SRBD1: variants seen among roughly 807,000 people sequenced by gnomAD.
SRBD1 encodes S1 RNA binding domain 1.
A neutral mutation model predicts 115.3 loss-of-function variants in SRBD1; 88 were observed. The observed-to-expected ratio is 0.76, with a 90% confidence interval of 0.64 to 0.91. The LOEUF (loss-of-function observed/expected upper bound fraction) is 0.91. Ranked by LOEUF, SRBD1 falls within the 40% of genes least tolerant of loss-of-function variation. The pLI is 0.00. For synonymous variants in SRBD1, 509 were observed against 407.7 expected (o/e 1.25, Z -2.99); for missense variants, 1,385 against 1,177.4 (o/e 1.18, Z -2.58).
At chr2:45,441,955 G>A (rs1237527890) in intron 16 of SRBD1, among the ~76,000 whole-genome samples, 1 of 152,178 alleles carries the variant, frequency 6.6e-6, no homozygotes, top group Non-Finnish European at 1.5e-5. Context: ...GGTCAATAAA[G>A]AGTTCCTGTT....
chr2:45,538,974 G>A (rs1671848437), intron 14 of SRBD1, among the ~76,000 whole-genome samples: 1 of 151,962 alleles, frequency 6.6e-6, no homozygotes, highest in South Asian at 2.1e-4. Flanking sequence ...GTTTCCACAG[G>A]CATAGATATC....
intron 2 of SRBD1, among the ~76,000 whole-genome samples, chr2:45,604,120 T>C (rs1674187806): frequency 6.6e-6 from 1 of 152,108 alleles, no homozygotes; most frequent in Admixed American, 6.5e-5. Context: ...AATCCTATGC[T>C]TCTACAATAA....
intron 7 of SRBD1, among the ~76,000 whole-genome samples, chr2:45,575,490 C>A (rs1673148709): frequency 6.6e-6 from 1 of 152,070 alleles, no homozygotes; most frequent in Non-Finnish European, 1.5e-5. Flanking sequence ...TGCACTAAAC[C>A]TGAATTACAC....
intron 16 of SRBD1, among the ~76,000 whole-genome samples, chr2:45,426,170 G>T (rs1351093745): frequency 6.6e-6 from 1 of 152,114 alleles, no homozygotes; most frequent in Non-Finnish European, 1.5e-5. Context: ...GGGGGGAGAG[G>T]CACCCATCAT....
At chr2:45,585,831 T>C (rs929638541) in intron 4 of SRBD1, 57 bp from the exon 5 acceptor site, 18 of 1,364,152 alleles carry the variant, frequency 1.3e-5, no homozygotes, top group African/African-American at 1.0e-4. Context: ...ATCTATATCA[T>C]GTATAATTTA....
intron 4 of SRBD1, among the ~76,000 whole-genome samples, chr2:45,594,191 C>T (rs544826675): frequency 1.3e-5 from 2 of 152,284 alleles, no homozygotes; most frequent in Non-Finnish European, 2.9e-5. Context: ...ATGTTGACCA[C>T]TTTTTGTCTC....
chr2:45,465,783 A>G (rs947553150), intron 16 of SRBD1, among the ~76,000 whole-genome samples: 2 of 152,110 alleles, frequency 1.3e-5, no homozygotes, highest in Non-Finnish European at 2.9e-5. Context: ...CATTCAAAAC[A>G]CCTGGATCTA....
At chr2:45,603,241 T>C (rs1294309215) in intron 2 of SRBD1, among the ~76,000 whole-genome samples, 1 of 152,174 alleles carries the variant, frequency 6.6e-6, no homozygotes, top group Non-Finnish European at 1.5e-5. Context: ...CAAGCACAGA[T>C]ACCGTTGTGT....
At chr2:45,404,982 C>G (rs902992672) in intron 19 of SRBD1, among the ~76,000 whole-genome samples, 36 of 152,242 alleles carry the variant, frequency 2.4e-4, no homozygotes, top group African/African-American at 8.7e-4. Context: ...TTTCCTCCGT[C>G]AAGACTTTTC....
chr2:45,451,004 T>A (rs1572654864), intron 16 of SRBD1, among the ~76,000 whole-genome samples: 2 of 152,130 alleles, frequency 1.3e-5, no homozygotes, highest in Non-Finnish European at 2.9e-5. Context: ...ACGGGATCTC[T>A]TTTCATTCCT....
At chr2:45,420,480 C>G (rs1409163840) in intron 16 of SRBD1, among the ~76,000 whole-genome samples, 1 of 152,148 alleles carries the variant, frequency 6.6e-6, no homozygotes, top group Admixed American at 6.5e-5. Context: ...AGAAAATAGT[C>G]AATTAAACCA....
At chr2:45,517,268 G>A (rs2103943724) in intron 14 of SRBD1, among the ~76,000 whole-genome samples, 1 of 152,186 alleles carries the variant, frequency 6.6e-6, no homozygotes, top group East Asian at 1.9e-4. Context: ...CTCTGCTTTG[G>A]CATTTTCTGT....
At chr2:45,524,320 G>T (rs961555852) in intron 14 of SRBD1, among the ~76,000 whole-genome samples, 1 of 151,878 alleles carries the variant, frequency 6.6e-6, no homozygotes, top group Non-Finnish European at 1.5e-5. Context: ...GCAAGAAAAA[G>T]AAATAAAAGA....
intron 14 of SRBD1, among the ~76,000 whole-genome samples, chr2:45,500,955 T>C (rs1670613248): frequency 6.6e-6 from 1 of 152,216 alleles, no homozygotes. Flanking sequence ...CATACTTGTC[T>C]TGTTCTGTAT....
At chr2:45,397,723 C>T (rs1263426855) in intron 19 of SRBD1, among the ~76,000 whole-genome samples, 2 of 152,172 alleles carry the variant, frequency 1.3e-5, no homozygotes, top group African/African-American at 2.4e-5. Flanking sequence ...CCTCCCTTGG[C>T]CTCCCAAGTA....
At chr2:45,417,475 A>G (rs942524564) in intron 18 of SRBD1, among the ~76,000 whole-genome samples, 6 of 152,188 alleles carry the variant, frequency 3.9e-5, no homozygotes, top group Non-Finnish European at 8.8e-5. Flanking sequence ...TTTAATTTCC[A>G]CAGCTTTATA....
At chr2:45,510,290 T>A (rs1474812856) in intron 14 of SRBD1, among the ~76,000 whole-genome samples, 4 of 152,260 alleles carry the variant, frequency 2.6e-5, no homozygotes, top group South Asian at 4.1e-4. Context: ...CATTTTCAAG[T>A]GTGGGAAGGG....
At chr2:45,521,478 C>G (rs1671282124) in intron 14 of SRBD1, among the ~76,000 whole-genome samples, 1 of 151,946 alleles carries the variant, frequency 6.6e-6, no homozygotes, top group Non-Finnish European at 1.5e-5. Flanking sequence ...TACTAGATGT[C>G]TATAATTTTA....
intron 19 of SRBD1, among the ~76,000 whole-genome samples, chr2:45,405,653 T>C (rs995563578): frequency 6.6e-6 from 1 of 152,116 alleles, no homozygotes; most frequent in Non-Finnish European, 1.5e-5. Flanking sequence ...TTGAAGAATA[T>C]ATACATCTAC....
Sources: allele counts gnomAD v4.1 joint callset (sites outside exome capture counted in the v4.1 genomes callset), GRCh38; gene constraint gnomAD v4.1.1; transcripts MANE v1.5; gene names NCBI Gene and HGNC (gene_info 2026-07-23, HGNC 2026-07-21).